MARCHF1: variants seen among roughly 807,000 people sequenced by gnomAD.
MARCHF1 encodes E3 ubiquitin-protein ligase MARCHF1.
Under a neutral mutation model 54.2 loss-of-function variants are expected in MARCHF1, and 40 were observed. That is an observed-to-expected ratio of 0.74 (90% CI 0.57 to 0.96). The LOEUF is 0.96. MARCHF1 is among the 40% of genes least tolerant of loss of function. The pLI, the probability that MARCHF1 is intolerant of heterozygous loss-of-function variation, is 0.00. For missense variants in MARCHF1, 586 were observed against 656.5 expected, an observed-to-expected ratio of 0.89 and a Z score of 1.17; for synonymous variants, 236 against 236.3, an observed-to-expected ratio of 1.00 and a Z score of 0.01.
intron 5 of MARCHF1, among the ~76,000 whole-genome samples, chr4:163,659,127 C>G (rs1743254867): frequency 6.6e-6 from 1 of 151,864 alleles, no homozygotes; most frequent in African/African-American, 2.4e-5. Context: ...TCTGCTCTTC[C>G]TCATTGTCTT....
chr4:164,146,425 C>A (rs1313626872), intron 1 of MARCHF1, among the ~76,000 whole-genome samples: 1 of 152,078 alleles, frequency 6.6e-6, no homozygotes, highest in Admixed American at 6.5e-5. Flanking sequence ...TCAAACTATA[C>A]TACAAGGCTA....
At chr4:163,848,299 G>A (rs1749543318) in intron 4 of MARCHF1, among the ~76,000 whole-genome samples, 1 of 152,044 alleles carries the variant, frequency 6.6e-6, no homozygotes. Context: ...ATGAACATAT[G>A]TTTGAAAGTG....
At chr4:163,645,954 A>G (rs1742744426) in intron 5 of MARCHF1, among the ~76,000 whole-genome samples, 1 of 152,188 alleles carries the variant, frequency 6.6e-6, no homozygotes. Context: ...AGGAGCAAAA[A>G]TATTATTTAA....
At chr4:163,640,534 A>G (rs1209671606) in intron 5 of MARCHF1, among the ~76,000 whole-genome samples, 1 of 152,156 alleles carries the variant, frequency 6.6e-6, no homozygotes, top group African/African-American at 2.4e-5. Flanking sequence ...GACAGTTAAG[A>G]TATCAACTTT....
At chr4:163,712,405 A>T (rs989982949) in intron 4 of MARCHF1, among the ~76,000 whole-genome samples, 11 of 152,206 alleles carry the variant, frequency 7.2e-5, no homozygotes, top group Admixed American at 2.0e-4. Context: ...GGAGGCATAA[A>T]ATTTAAAAAT....
chr4:164,330,945 C>A (rs1282479488), intron 1 of MARCHF1, among the ~76,000 whole-genome samples: 4 of 152,056 alleles, frequency 2.6e-5, no homozygotes, highest in Non-Finnish European at 1.5e-5. Context: ...TTGAATGGTA[C>A]CTACAAATAC....
intron 5 of MARCHF1, among the ~76,000 whole-genome samples, chr4:163,698,702 G>A (rs557666877): frequency 1.0e-3 from 159 of 152,096 alleles, no homozygotes; most frequent in African/African-American, 3.5e-3. Flanking sequence ...CATGATAAAC[G>A]GGCTGGATTA....
At chr4:164,122,790 A>G (rs956329653) in intron 1 of MARCHF1, among the ~76,000 whole-genome samples, 1 of 151,998 alleles carries the variant, frequency 6.6e-6, no homozygotes, top group Non-Finnish European at 1.5e-5. Context: ...TACCCCAGAC[A>G]ACATAGCCTC....
chr4:163,900,180 T>C (rs1172872626), intron 3 of MARCHF1, among the ~76,000 whole-genome samples: 1 of 152,130 alleles, frequency 6.6e-6, no homozygotes. Context: ...TTTTGTTCCC[T>C]GAAAAATCTC....
chr4:163,528,566 G>T lies in MARCHF1; in HGVS notation c.*182C>A. 1.7e-6 allele frequency: 1 copy of T among 588,880 alleles called. No individual in the cohort carries two copies. Among genetic ancestry groups the T allele is most frequent in the South Asian group, 2.3e-5 (1 of 42,910 alleles). The allele number at this position is 588,880 out of a possible 1,614,324, so 36.5% of individuals were successfully genotyped here. ...CTTTACTTTACGCTATTACTTCATGGGCTCCTGGGCATTTGGTCTGTTTGT... is the reference window on the plus strand; with the variant it reads ...CTTTACTTTACGCTATTACTTCATGTGCTCCTGGGCATTTGGTCTGTTTGT... On this transcript the variant is annotated 3_prime_UTR_variant, in exon 10 of 10. Transcript: ENST00000514618.
intron 1 of MARCHF1, among the ~76,000 whole-genome samples, chr4:164,112,522 T>C (rs914026730): frequency 2.1e-4 from 32 of 151,938 alleles, no homozygotes; most frequent in African/African-American, 7.7e-4. Flanking sequence ...ACAGTAGCAC[T>C]GTAGTTGCAG....
chr4:164,052,137 T>G (rs1438412568), intron 2 of MARCHF1, among the ~76,000 whole-genome samples: 1 of 69,796 alleles, frequency 1.4e-5, no homozygotes, highest in Non-Finnish European at 4.0e-5. Context: ...TTTTGGAAGT[T>G]TTTTTTTTTG....
intron 8 of MARCHF1, among the ~76,000 whole-genome samples, chr4:163,558,494 T>C (rs1384368792): frequency 6.6e-6 from 1 of 152,100 alleles, no homozygotes; most frequent in African/African-American, 2.4e-5. Flanking sequence ...CTCAACTTGG[T>C]CATTGCTGAA....
chr4:163,606,463 T>C (rs1741146295), intron 7 of MARCHF1, among the ~76,000 whole-genome samples: 1 of 152,058 alleles, frequency 6.6e-6, no homozygotes, highest in South Asian at 2.1e-4. Flanking sequence ...AGAGAATATA[T>C]GATACTGACT....
At chr4:164,345,337 C>T (rs1434947377) in intron 1 of MARCHF1, among the ~76,000 whole-genome samples, 6 of 151,922 alleles carry the variant, frequency 3.9e-5, no homozygotes, top group African/African-American at 7.3e-5. Flanking sequence ...AACATCAAGG[C>T]CAAAGGATCA....
At chr4:164,308,996 A>G (rs1168619480) in intron 1 of MARCHF1, among the ~76,000 whole-genome samples, 1 of 151,932 alleles carries the variant, frequency 6.6e-6, no homozygotes, top group East Asian at 1.9e-4. Context: ...AAAGGAGGAT[A>G]TAGCTCAGGG....
intron 3 of MARCHF1, among the ~76,000 whole-genome samples, chr4:163,928,896 C>T (rs1247330675): frequency 2.6e-5 from 4 of 151,580 alleles, no homozygotes; most frequent in Non-Finnish European, 5.9e-5. Context: ...CTATTGTTTT[C>T]TATAGTGTAG....
intron 3 of MARCHF1, among the ~76,000 whole-genome samples, chr4:163,908,534 T>C (rs748254819): frequency 1.3e-5 from 2 of 152,256 alleles, no homozygotes; most frequent in Non-Finnish European, 2.9e-5. Context: ...GTGGTCTATG[T>C]AGATATATCC....
chr4:164,064,226 G>A (rs115278628), intron 2 of MARCHF1, among the ~76,000 whole-genome samples: 3,630 of 152,290 alleles, frequency 0.024, 54 homozygotes, highest in Non-Finnish European at 0.037. Context: ...AATGGGAACA[G>A]CATTGAATCT....
Sources: gnomAD v4.1 joint callset for allele counts (sites outside exome capture counted in the v4.1 genomes callset) on GRCh38, gnomAD v4.1.1 for gene constraint, MANE v1.5 for transcripts, NCBI Gene and HGNC (gene_info 2026-07-23, HGNC 2026-07-21) for gene names.